NPEPL1: variants seen among roughly 807,000 people sequenced by gnomAD.
NPEPL1 encodes the protein probable aminopeptidase NPEPL1.
A neutral mutation model predicts 52.4 loss-of-function variants in NPEPL1; 45 were observed. The observed-to-expected ratio is 0.86, with a 90% CI of 0.68 to 1.10. The LOEUF (loss-of-function observed/expected upper bound fraction) is 1.10, where lower values mean the gene tolerates loss of function less well. Among genes scored for constraint, NPEPL1 ranks in the 50% least tolerant of loss-of-function variants. NPEPL1 has a pLI of 0.00. For missense variants in NPEPL1, 696 were observed against 710.9 expected (o/e 0.98, Z 0.24); for synonymous variants, 360 against 314.7 (o/e 1.14, Z -1.52).
chr20:58,692,449 T>G (rs944996445), upstream of NPEPL1, among the ~76,000 whole-genome samples: 3 of 152,118 alleles, frequency 2.0e-5, no homozygotes, highest in Non-Finnish European at 4.4e-5. The surrounding 1 kb of genome is among the most constrained non-coding windows in gnomAD (Gnocchi z 5.7). Flanking sequence ...GGGGACCTGC[T>G]TGGGGCCAGC....
rs756384604 is a variant in NPEPL1, at chr20:58,701,090, A to C, written c.754A>C (p.Thr252Pro). The C allele has an allele frequency of 2.5e-6, 4 of 1,595,388 alleles. No individual in the cohort carries two copies. The Admixed American group carries it at 6.9e-5, about 28-fold the overall frequency. ...AVLSHTPDGA[T>P]QTIAWVGKGI... ...CCTCAGCCACACCCCAGATGGAGCC[A>C]CGCAGACCATCGCCTGGGTGGGCAA... Residue 252 changes from threonine to proline, a missense_variant, in exon 6 of 12, where the codon ACG becomes CCG. Transcript: ENST00000356091.
chr20:58,700,227 C>G (rs1019830165), intron 5 of NPEPL1, among the ~76,000 whole-genome samples: 1 of 152,240 alleles, frequency 6.6e-6, no homozygotes, highest in Admixed American at 6.5e-5. Flanking sequence ...CTCATCACTT[C>G]TACCTTTTTC....
Position 58,713,366 on chromosome 20 carries a change from T to TGTCCCAAAGGGGCTCAC in NPEPL1, c.1002-53_1002-52insTCCCAAAGGGGCTCACG. 2.0e-6 allele frequency: 3 copies of TGTCCCAAAGGGGCTCAC among 1,526,418 alleles called. No individual in the cohort carries two copies. The highest frequency in any genetic ancestry group is 2.7e-6 in the Non-Finnish European group (3 of 1,129,142). The allele number at this position is 1,526,418 out of a possible 1,614,324, so 94.6% of individuals were successfully genotyped here. ...GTCTCCCCAGTTTCAAAGGGGCTCA[T>TGTCCCAAAGGGGCTCAC]GCCAGTGTCCCAGGAAATCCCGTCC... On this transcript the variant is annotated intron_variant, in intron 8 of 11. Transcript: ENST00000356091. The surrounding 1 kb of genome is among the most constrained non-coding windows in gnomAD (Gnocchi z 4.6).
At chr20:58,708,165 C>T (rs189224043) in intron 7 of NPEPL1, among the ~76,000 whole-genome samples, 1 of 152,224 alleles carries the variant, frequency 6.6e-6, no homozygotes, top group South Asian at 2.1e-4. Context: ...AGGCCAGCAA[C>T]CCAGTTCCTT....
intron 2 of NPEPL1, 82 bp downstream of exon 2, chr20:58,694,004 TC>T: frequency 7.4e-7 from 1 of 1,353,796 alleles, no homozygotes; most frequent in Non-Finnish European, 1.0e-6. Context: ...ACAGCCCTGC[TC>T]AGACTGCAGC....
chr20:58,705,632 C>A (rs2084721551), intron 6 of NPEPL1: 3 of 438,736 alleles, frequency 6.8e-6, no homozygotes, highest in African/African-American at 4.1e-5. Flanking sequence ...ATGGTTTCTT[C>A]TATAAAAACA....
chr20:58,697,604 T>A (rs1327564513), intron 3 of NPEPL1, among the ~76,000 whole-genome samples: 3 of 152,240 alleles, frequency 2.0e-5, no homozygotes, highest in Non-Finnish European at 4.4e-5. Context: ...ATAAACTTGC[T>A]GCTGTCCTGC....
chr20:58,698,591 G>A (rs2084540620), intron 3 of NPEPL1, 93 bp from the exon 4 acceptor site: 2 of 1,007,604 alleles, frequency 2.0e-6, no homozygotes, highest in Non-Finnish European at 1.5e-6. Context: ...TGTGGGTGAT[G>A]TTTGCCTCTG....
At chr20:58,691,854 G>T (rs1173981890), upstream of NPEPL1, 3 of 1,466,190 alleles carry the variant, frequency 2.0e-6, no homozygotes, top group South Asian at 1.2e-5. Context: ...GCTTTTAAAT[G>T]ACTCCTGGGT....
chr20:58,712,273 G>A (rs2084864684), intron 7 of NPEPL1, among the ~76,000 whole-genome samples: 1 of 152,190 alleles, frequency 6.6e-6, no homozygotes, highest in Non-Finnish European at 1.5e-5. Flanking sequence ...TGCCAGGGGA[G>A]GCTAGGAAAC....
intron 3 of NPEPL1, among the ~76,000 whole-genome samples, chr20:58,697,637 C>A (rs1423618715): frequency 6.6e-6 from 1 of 152,226 alleles, no homozygotes; most frequent in Non-Finnish European, 1.5e-5. Flanking sequence ...CAGCGCTGCT[C>A]TTCTCTTAAT....
upstream of NPEPL1, chr20:58,689,181 G>A (rs919699287): frequency 6.6e-6 from 1 of 152,268 alleles, no homozygotes; most frequent in African/African-American, 2.4e-5. Flanking sequence ...CTGGTCTCCA[G>A]TTACTTGCAA....
chr20:58,693,202 G>A, intron 1 of NPEPL1, 152 bp downstream of exon 1: 2 of 434,402 alleles, frequency 4.6e-6, no homozygotes, highest in Non-Finnish European at 6.1e-6. Context: ...CAGCCGCCAG[G>A]CCAGTCCTCG....
chr20:58,703,760 A>G (rs987508983), intron 6 of NPEPL1: 1 of 980,542 alleles, frequency 1.0e-6, no homozygotes. Context: ...CTGACCACAC[A>G]GGCCTTCCCT....
intron 3 of NPEPL1, among the ~76,000 whole-genome samples, chr20:58,695,940 G>C (rs1568848512): frequency 6.6e-6 from 1 of 152,060 alleles, no homozygotes; most frequent in Non-Finnish European, 1.5e-5. Flanking sequence ...CCCTCCCGCT[G>C]CTCCCCAGAC....
In NPEPL1 at chr20:58,713,934, G is replaced by C; in HGVS notation, c.1143G>C (p.Lys381Asn). The change falls in exon 10 of 12, where the codon AAG becomes AAC. Residue 381 changes from lysine (K) to asparagine (N), a missense_variant. Coordinates refer to ENST00000356091, the MANE Select transcript of NPEPL1 (RefSeq NM_024663.4). This position sits in a 1 kb window ranked among gnomAD's most constrained non-coding sequence, Gnocchi z 4.6. ...CCGCCCAGGGCATTGCCACAGGGAA[G>C]TACCACGCCGCGGTGCTCACCAACA... ...LTGAQGIATG[K>N]YHAAVLTNSA... 1 of 1,493,682 alleles carries C rather than the reference G, an allele frequency of 6.7e-7. No individual in the cohort carries two copies. Among genetic ancestry groups the C allele is most frequent in the South Asian group, 1.3e-5 (1 of 74,778 alleles). 92.5% of individuals were successfully genotyped at this position (1,493,682 alleles called of 1,614,324 possible).
chr20:58,695,586 A>G (rs1422687684), intron 3 of NPEPL1, among the ~76,000 whole-genome samples: 1 of 151,858 alleles, frequency 6.6e-6, no homozygotes, highest in Non-Finnish European at 1.5e-5. Context: ...CTCATTCTTC[A>G]CTTCTGGCTC....
At chr20:58,714,450 C>G (rs1402415265) in intron 10 of NPEPL1, 110 bp from the exon 11 acceptor site, 6 of 794,638 alleles carry the variant, frequency 7.6e-6, no homozygotes, top group Non-Finnish European at 1.2e-5. Flanking sequence ...ACGCTCCCTC[C>G]CAGCCACCCC....
chr20:58,691,913 G>C, upstream of NPEPL1: 1 of 913,868 alleles, frequency 1.1e-6, no homozygotes, highest in Non-Finnish European at 1.8e-6. Flanking sequence ...ATCTGACCCT[G>C]TGGGTGGGAC....
Sources: gnomAD v4.1 joint callset for allele counts (sites outside exome capture counted in the v4.1 genomes callset) on GRCh38, gnomAD v4.1.1 for gene constraint, Gnocchi (gnomAD v3.1) non-coding constraint, MANE v1.5 for transcripts, NCBI Gene and HGNC (gene_info 2026-07-23, HGNC 2026-07-21) for gene names.